Variants in FREM1 observed in about 807,000 individuals in gnomAD.
The protein encoded by FREM1 is FRAS1-related extracellular matrix protein 1.
A neutral mutation model predicts 210.1 loss-of-function variants in FREM1; 220 were observed. The ratio of observed to expected loss-of-function variants is 1.05; its 90% CI spans 0.94 to 1.17. The LOEUF (loss-of-function observed/expected upper bound fraction) is 1.17. Ranked by LOEUF, FREM1 falls within the 50% of genes most tolerant of loss-of-function variation. The pLI is 0.00. For synonymous variants in FREM1, 1,189 were observed against 980.2 expected, an observed-to-expected ratio of 1.21 and a Z score of -3.98; for missense variants, 3,454 against 2,675.5, an observed-to-expected ratio of 1.29 and a Z score of -6.42.
At chr9:14,834,942 T>C (rs1824267707) in intron 10 of FREM1, among the ~76,000 whole-genome samples, 1 of 152,192 alleles carries the variant, frequency 6.6e-6, no homozygotes, top group African/African-American at 2.4e-5. Context: ...CAGACAATTG[T>C]TGTCTTGCTT....
chr9:14,858,624 A>T (rs1419011708), intron 4 of FREM1, among the ~76,000 whole-genome samples: 2 of 151,314 alleles, frequency 1.3e-5, no homozygotes, highest in African/African-American at 4.9e-5. Flanking sequence ...ATTATCCCTT[A>T]TATTTCTTGG....
intron 1 of FREM1, among the ~76,000 whole-genome samples, chr9:14,904,991 C>A (rs1274751240): frequency 1.3e-5 from 2 of 152,142 alleles, no homozygotes; most frequent in Non-Finnish European, 2.9e-5. Flanking sequence ...ATCCTTCAGG[C>A]CTCAATCTCC....
At position 14,801,719 on chromosome 9, in the gene FREM1, C is replaced by T; in HGVS notation, c.3627G>A (p.Lys1209=). Residue 1209 remains lysine, a synonymous_variant, in exon 20 of 37, where the codon AAG becomes AAA. Coordinates refer to ENST00000380880, the MANE Select transcript of FREM1 (RefSeq NM_001379081.2). ...GTTTCTGGTGAGGGTTGGCTGGCTG[C>T]TTATTCTCAGAGAAGTCTTTGCTAA... ...RGFSKDFSEN[K]QPANPHQKHA... 6.2e-7 allele frequency: 1 copy of T among 1,613,964 alleles called. No homozygotes were observed. The highest frequency in any genetic ancestry group is 8.5e-7 in the Non-Finnish European group (1 of 1,179,868).
At chr9:14,872,531 T>A (rs1357035272) in intron 1 of FREM1, among the ~76,000 whole-genome samples, 2 of 152,236 alleles carry the variant, frequency 1.3e-5, no homozygotes, top group East Asian at 1.9e-4. Flanking sequence ...ATCCTGAGAC[T>A]TTGCTGAAGT....
At position 14,910,356 on chromosome 9, in the gene FREM1, GC is replaced by G. The variant is rs1373435454; in HGVS notation, c.-711del. The G allele has an allele frequency of 6.6e-6, 1 of 152,308 alleles. No homozygotes were observed. The highest frequency in any genetic ancestry group is 1.5e-5 in the Non-Finnish European group (1 of 68,120). The allele number at this position is 152,308 out of a possible 1,614,324, so 9.4% of individuals were successfully genotyped here. On this transcript the variant is annotated 5_prime_UTR_variant, in exon 1 of 37. Transcript: ENST00000380880. Reference sequence around the variant, plus strand: ...GTTGGGTCCGCAGGGACAAAACTGAGCTTTTGTTAATGAGGTCGGTTGCCTC... The same window carrying G: ...GTTGGGTCCGCAGGGACAAAACTGAGTTTTGTTAATGAGGTCGGTTGCCTC...
intron 1 of FREM1, among the ~76,000 whole-genome samples, chr9:14,871,845 G>A (rs957353164): frequency 5.9e-5 from 9 of 152,116 alleles, no homozygotes; most frequent in African/African-American, 1.9e-4. Context: ...TTTGTATGAG[G>A]TGTAAGGACG....
At chr9:14,894,337 T>C (rs981587874) in intron 1 of FREM1, among the ~76,000 whole-genome samples, 7 of 152,238 alleles carry the variant, frequency 4.6e-5, no homozygotes, top group African/African-American at 1.7e-4. Flanking sequence ...TCCTTGCCAA[T>C]TGTGGCTTTA....
intron 3 of FREM1, among the ~76,000 whole-genome samples, chr9:14,861,796 T>G (rs1412315843): frequency 1.3e-5 from 2 of 152,108 alleles, no homozygotes; most frequent in Non-Finnish European, 2.9e-5. Context: ...CATGAGCCAC[T>G]GCGCCTGGCC....
At chr9:14,755,224 C>T (rs546468187) in intron 29 of FREM1, among the ~76,000 whole-genome samples, 56 of 152,358 alleles carry the variant, frequency 3.7e-4, no homozygotes, top group African/African-American at 1.3e-3. Context: ...GAAACTAACA[C>T]AGTCCTCAAG....
intron 10 of FREM1, among the ~76,000 whole-genome samples, chr9:14,828,647 G>C (rs1036376239): frequency 7.0e-6 from 1 of 143,740 alleles, no homozygotes; most frequent in African/African-American, 2.6e-5. Flanking sequence ...GCGGGGCGGG[G>C]GAGGTGCCGG....
At chr9:14,888,707 A>C (rs538800046) in intron 1 of FREM1, among the ~76,000 whole-genome samples, 1 of 152,350 alleles carries the variant, frequency 6.6e-6, no homozygotes, top group African/African-American at 2.4e-5. Flanking sequence ...GACTCTGTCT[A>C]TAACATTCTG....
chr9:14,810,078 CAA>C (rs1288010429), intron 16 of FREM1, among the ~76,000 whole-genome samples: 1 of 152,054 alleles, frequency 6.6e-6, no homozygotes, highest in Non-Finnish European at 1.5e-5. Flanking sequence ...GGAAAGTCAG[CAA>C]AGTTTCCAGA....
rs147910008 is a variant in FREM1, at chr9:14,776,611, G to A, written c.4443-408C>T. Among the ~76,000 whole-genome samples, 21 of 152,160 alleles carry A rather than the reference G, an allele frequency of 1.4e-4. No homozygotes were observed. The East Asian group carries it at 4.1e-3, about 29-fold the overall frequency. The stretch of plus-strand genomic sequence containing the variant: ...TTTTCAATTGTTTTTTTCTTCATTG[G>A]TGTGTAATAGACTAAAGTTGTAAGT... On this transcript the variant is annotated intron_variant, in intron 24 of 36. Transcript: ENST00000380880.
intron 3 of FREM1, among the ~76,000 whole-genome samples, chr9:14,860,166 A>G (rs1829544564): frequency 6.6e-6 from 1 of 152,162 alleles, no homozygotes; most frequent in African/African-American, 2.4e-5. Context: ...TCTCTATGAT[A>G]GTATATAACA....
chr9:14,753,943 C>A (rs1486364048), intron 29 of FREM1, among the ~76,000 whole-genome samples: 1 of 152,098 alleles, frequency 6.6e-6, no homozygotes, highest in Non-Finnish European at 1.5e-5. Flanking sequence ...TTATTTACAG[C>A]CCCCAGAAGT....
At chr9:14,886,275 A>C (rs1835785691) in intron 1 of FREM1, among the ~76,000 whole-genome samples, 1 of 150,192 alleles carries the variant, frequency 6.7e-6, no homozygotes, top group African/African-American at 2.5e-5. Flanking sequence ...AATCCCAGCT[A>C]CTCGGGAGGC....
chr9:14,777,483 T>G (rs1848811478), intron 24 of FREM1, among the ~76,000 whole-genome samples: 1 of 152,208 alleles, frequency 6.6e-6, no homozygotes, highest in Admixed American at 6.5e-5. Flanking sequence ...TGTTAGCTTT[T>G]CTCCATGTAC....
chr9:14,907,288 A>G (rs1363697254), intron 1 of FREM1, among the ~76,000 whole-genome samples: 1 of 152,208 alleles, frequency 6.6e-6, no homozygotes, highest in African/African-American at 2.4e-5. Context: ...ATGGTGCCCC[A>G]GTCACTGCAG....
At chr9:14,756,303 A>G in intron 29 of FREM1, 71 bp downstream of exon 29, 1 of 1,096,812 alleles carries the variant, frequency 9.1e-7, no homozygotes, top group South Asian at 1.5e-5. Context: ...CTTCTCTACA[A>G]TCTCCAGACA....
Sources: allele counts gnomAD v4.1 joint callset (sites outside exome capture counted in the v4.1 genomes callset), GRCh38; gene constraint gnomAD v4.1.1; transcripts MANE v1.5; gene names NCBI Gene and HGNC (gene_info 2026-07-23, HGNC 2026-07-21).